Variants in NXPE2 observed in about 807,000 individuals in gnomAD.
The protein encoded by NXPE2 is neurexophilin and PC-esterase domain family member 2.
NXPE2 carries 34 observed loss-of-function variants against 34.4 expected under a neutral mutation model. The observed-to-expected ratio is 0.99, with a 90% CI of 0.75 to 1.31. The LOEUF (loss-of-function observed/expected upper bound fraction) is 1.31. NXPE2 is among the 40% of genes most tolerant of loss of function. The probability of loss-of-function intolerance (pLI) is 0.00; values close to 1 mark genes in which losing one functional copy is unlikely to be tolerated. For synonymous variants in NXPE2, 235 were observed against 231.3 expected, an observed-to-expected ratio of 1.02 and a Z score of -0.15; for missense variants, 649 against 672.5, an observed-to-expected ratio of 0.97 and a Z score of 0.39.
chr11:114,528,079 C>G, the NXPE2 span, among the ~76,000 whole-genome samples: 1 of 152,132 alleles, frequency 6.6e-6, no homozygotes, highest in Non-Finnish European at 1.5e-5. Context: ...GGAAGACTTT[C>G]TACCCTGCTG....
At chr11:114,496,695 C>A in the NXPE2 span, among the ~76,000 whole-genome samples, 2 of 152,116 alleles carry the variant, frequency 1.3e-5, 1 homozygote, top group Admixed American at 1.3e-4. Flanking sequence ...CCCAATTACT[C>A]TAATATGCGT....
chr11:114,648,984 A>C, the NXPE2 span, among the ~76,000 whole-genome samples: 2 of 152,220 alleles, frequency 1.3e-5, no homozygotes, highest in Non-Finnish European at 2.9e-5. Context: ...CACAATACAA[A>C]TATATTTTTA....
chr11:114,542,908 C>A, the NXPE2 span, among the ~76,000 whole-genome samples: 2 of 152,122 alleles, frequency 1.3e-5, no homozygotes, highest in African/African-American at 4.8e-5. Context: ...CATACTGACA[C>A]CAAACATATT....
chr11:114,597,453 T>C, the NXPE2 span, among the ~76,000 whole-genome samples: 6 of 152,304 alleles, frequency 3.9e-5, no homozygotes, highest in South Asian at 1.2e-3. Context: ...AAATTAACCT[T>C]GTGATATTCA....
chr11:114,685,836 C>T (rs1951036352), intron 2 of NXPE2, among the ~76,000 whole-genome samples: 1 of 151,960 alleles, frequency 6.6e-6, no homozygotes, highest in Non-Finnish European at 1.5e-5. Flanking sequence ...TCGTATGTTG[C>T]ATAATTCTAC....
the NXPE2 span, among the ~76,000 whole-genome samples, chr11:114,726,967 T>TCTCTAAAGCTCTC: frequency 6.6e-6 from 1 of 151,614 alleles, no homozygotes; most frequent in South Asian, 2.1e-4. Context: ...ACAGAAGCTT[T>TCTCTAAAGCTCTC]CTCTTTCTTT....
At chr11:114,612,284 C>T in the NXPE2 span, among the ~76,000 whole-genome samples, 4 of 150,588 alleles carry the variant, frequency 2.7e-5, no homozygotes, top group South Asian at 6.3e-4. Flanking sequence ...CACTATTACC[C>T]GTTGGATAAT....
the NXPE2 span, among the ~76,000 whole-genome samples, chr11:114,631,323 G>A: frequency 1.3e-5 from 2 of 151,638 alleles, no homozygotes; most frequent in African/African-American, 4.8e-5. Flanking sequence ...CACATATACA[G>A]CATGGAATAC....
chr11:114,796,519 CAA>C, the NXPE2 span, among the ~76,000 whole-genome samples: 8 of 150,866 alleles, frequency 5.3e-5, no homozygotes, highest in African/African-American at 1.9e-4. Flanking sequence ...CTCTGAAATT[CAA>C]AAAAAAATCT....
At chr11:114,799,311 A>AAAAAG in the NXPE2 span, among the ~76,000 whole-genome samples, 19 of 133,002 alleles carry the variant, frequency 1.4e-4, 1 homozygote, top group Non-Finnish European at 2.4e-4. Context: ...AAAAAAAAAA[A>AAAAAG]AAAATTGGTG....
At chr11:114,807,369 A>G in the NXPE2 span, among the ~76,000 whole-genome samples, 1 of 152,254 alleles carries the variant, frequency 6.6e-6, no homozygotes, top group African/African-American at 2.4e-5. Context: ...AATGGGCTAA[A>G]TGCTGCAATT....
the NXPE2 span, among the ~76,000 whole-genome samples, chr11:114,752,194 T>C: frequency 1.3e-5 from 2 of 152,114 alleles, no homozygotes; most frequent in Non-Finnish European, 2.9e-5. Flanking sequence ...ATAGAACAAA[T>C]ATGAAGCCCC....
At chr11:114,508,951 A>G in the NXPE2 span, among the ~76,000 whole-genome samples, 2 of 152,192 alleles carry the variant, frequency 1.3e-5, no homozygotes, top group Non-Finnish European at 2.9e-5. Context: ...AACAAACCCT[A>G]TCAACACAGT....
intron 2 of NXPE2, among the ~76,000 whole-genome samples, chr11:114,688,877 A>C (rs930238999): frequency 7.2e-5 from 11 of 152,002 alleles, no homozygotes; most frequent in Non-Finnish European, 4.4e-5. Context: ...TAGTTTGTTT[A>C]CATAGAAATA....
chr11:114,554,003 A>G, the NXPE2 span: 1 of 985,362 alleles, frequency 1.0e-6, no homozygotes, highest in Middle Eastern at 5.2e-4. Context: ...TCCAATTGCA[A>G]TGTTTTTTCT....
chr11:114,690,862 C>G (rs1198624291), intron 2 of NXPE2, among the ~76,000 whole-genome samples: 1 of 151,884 alleles, frequency 6.6e-6, no homozygotes, highest in East Asian at 1.9e-4. Context: ...TCTGCTTGGT[C>G]TAGACCATTG....
chr11:114,638,358 C>T, the NXPE2 span, among the ~76,000 whole-genome samples: 165 of 152,032 alleles, frequency 1.1e-3, 1 homozygote, highest in African/African-American at 3.9e-3. Context: ...TCTAGTTATC[C>T]ATTCGTCTAA....
At chr11:114,705,199 T>C (rs555856799) in intron 4 of NXPE2, among the ~76,000 whole-genome samples, 8 of 152,272 alleles carry the variant, frequency 5.3e-5, no homozygotes, top group African/African-American at 1.9e-4. Context: ...ATGATCCTAC[T>C]TTTTTCTGTG....
the NXPE2 span, among the ~76,000 whole-genome samples, chr11:114,560,273 CTTTTTT>C: frequency 3.7e-5 from 5 of 135,156 alleles, 1 homozygote; most frequent in African/African-American, 1.4e-4. Flanking sequence ...CTTTTTTTTT[CTTTTTT>C]TTTTTTTTTT....
Sources: allele counts gnomAD v4.1 joint callset (sites outside exome capture counted in the v4.1 genomes callset), GRCh38; gene constraint gnomAD v4.1.1; transcripts MANE v1.5; gene names NCBI Gene and HGNC (gene_info 2026-07-23, HGNC 2026-07-21).